Variants in RAB3C observed in about 807,000 individuals in gnomAD.
RAB3C encodes the protein ras-related protein Rab-3C.
RAB3C carries 17 observed loss-of-function variants against 26.4 expected under a neutral mutation model. The observed-to-expected ratio is 0.64, with a 90% CI of 0.44 to 0.97. The LOEUF is 0.97. RAB3C is among the 50% of genes least tolerant of loss of function. The pLI, the probability that RAB3C is intolerant of heterozygous loss-of-function variation, is 0.00. For synonymous variants in RAB3C, 91 were observed against 95.9 expected (o/e 0.95, Z 0.30); for missense variants, 242 against 281.9 (o/e 0.86, Z 1.01).
chr5:58,786,265 C>T (rs1742378157), intron 3 of RAB3C, among the ~76,000 whole-genome samples: 2 of 152,326 alleles, frequency 1.3e-5, no homozygotes, highest in Admixed American at 1.3e-4. Context: ...AACCTCAGCC[C>T]TTCCTGGGGT....
chr5:58,644,282 A>T (rs1007722207), intron 2 of RAB3C: 10 of 152,370 alleles, frequency 6.6e-5, no homozygotes, highest in Non-Finnish European at 1.0e-4. Flanking sequence ...TTTCAATTCT[A>T]GCTCTGCCAC....
intron 4 of RAB3C, among the ~76,000 whole-genome samples, chr5:58,832,712 G>C (rs1242870692): frequency 6.6e-6 from 1 of 152,184 alleles, no homozygotes; most frequent in Non-Finnish European, 1.5e-5. Flanking sequence ...ACCATGTCTT[G>C]AAGTATGAAT....
chr5:58,845,709 A>G (rs1743985120), intron 4 of RAB3C, among the ~76,000 whole-genome samples: 1 of 149,856 alleles, frequency 6.7e-6, no homozygotes, highest in African/African-American at 2.5e-5. Context: ...TAGAGGTATA[A>G]TTCATATACC....
At chr5:58,682,280 T>C (rs1748359889) in intron 2 of RAB3C, among the ~76,000 whole-genome samples, 1 of 152,198 alleles carries the variant, frequency 6.6e-6, no homozygotes, top group Non-Finnish European at 1.5e-5. Flanking sequence ...GGCAGTAAGG[T>C]CGACTCTTAT....
intron 2 of RAB3C, among the ~76,000 whole-genome samples, chr5:58,634,238 A>T (rs1747243717): frequency 1.3e-5 from 2 of 152,118 alleles, no homozygotes; most frequent in African/African-American, 4.8e-5. Flanking sequence ...TTATTTCAGG[A>T]GTTCAGGTTG....
intron 3 of RAB3C, among the ~76,000 whole-genome samples, chr5:58,811,360 T>C (rs541464956): frequency 6.6e-6 from 1 of 152,202 alleles, no homozygotes; most frequent in South Asian, 2.1e-4. Context: ...TGTGTATGTG[T>C]GTGTATGTGT....
intron 2 of RAB3C, among the ~76,000 whole-genome samples, chr5:58,649,991 T>C (rs1259709857): frequency 6.6e-6 from 1 of 152,218 alleles, no homozygotes; most frequent in East Asian, 1.9e-4. Flanking sequence ...TATGGTGACC[T>C]CTAATTCTTT....
At chr5:58,792,769 T>TTG (rs987019600) in intron 3 of RAB3C, among the ~76,000 whole-genome samples, 16 of 151,238 alleles carry the variant, frequency 1.1e-4, no homozygotes, top group Admixed American at 3.3e-4. Flanking sequence ...TTACTGAACT[T>TTG]TGTGTGTGTG....
intron 2 of RAB3C, among the ~76,000 whole-genome samples, chr5:58,642,326 G>A (rs1004148606): frequency 4.6e-5 from 7 of 152,176 alleles, no homozygotes; most frequent in African/African-American, 1.7e-4. Context: ...TAGCACCAAA[G>A]CTGGACATTC....
intron 3 of RAB3C, among the ~76,000 whole-genome samples, chr5:58,787,517 G>T (rs1742418223): frequency 6.6e-6 from 1 of 152,106 alleles, no homozygotes; most frequent in South Asian, 2.1e-4. Flanking sequence ...TGAAAAATAA[G>T]TTTTTAATTA....
At chr5:58,647,799 C>T (rs1747556960) in intron 2 of RAB3C, 1 of 152,152 alleles carries the variant, frequency 6.6e-6, no homozygotes, top group Non-Finnish European at 1.5e-5. Context: ...CACAATCTCA[C>T]ATGAACCTGA....
chr5:58,591,602 ATAT>A (rs569916807), intron 1 of RAB3C, among the ~76,000 whole-genome samples: 1 of 147,330 alleles, frequency 6.8e-6, no homozygotes, highest in African/African-American at 2.5e-5. Flanking sequence ...ATATATATAT[ATAT>A]ATAATTTTAT....
chr5:58,775,318 G>A (rs538615425), intron 3 of RAB3C, among the ~76,000 whole-genome samples: 1 of 152,086 alleles, frequency 6.6e-6, no homozygotes, highest in Non-Finnish European at 1.5e-5. Flanking sequence ...TTCAGTATCT[G>A]AGGCTCCTTT....
At chr5:58,709,186 A>G (rs967346732) in intron 2 of RAB3C, among the ~76,000 whole-genome samples, 2 of 152,226 alleles carry the variant, frequency 1.3e-5, no homozygotes, top group African/African-American at 4.8e-5. Context: ...TGTAGATGTT[A>G]TTCTATATTT....
chr5:58,772,830 A>G (rs1470479444), intron 3 of RAB3C, among the ~76,000 whole-genome samples: 1 of 152,190 alleles, frequency 6.6e-6, no homozygotes, highest in Admixed American at 6.6e-5. Flanking sequence ...TTATAGGTCT[A>G]TTGTATAGAG....
At chr5:58,684,089 A>G (rs528974106) in intron 2 of RAB3C, among the ~76,000 whole-genome samples, 1 of 152,310 alleles carries the variant, frequency 6.6e-6, no homozygotes, top group Non-Finnish European at 1.5e-5. Flanking sequence ...AATATCCAGA[A>G]AAACATGCAT....
intron 2 of RAB3C, among the ~76,000 whole-genome samples, chr5:58,711,034 G>A: frequency 6.6e-6 from 1 of 152,160 alleles, no homozygotes; most frequent in African/African-American, 2.4e-5. Flanking sequence ...ATAAGAATGT[G>A]CAGAAGACCT....
chr5:58,586,226 G>A (rs914158817), intron 1 of RAB3C, among the ~76,000 whole-genome samples: 14 of 151,890 alleles, frequency 9.2e-5, no homozygotes, highest in Admixed American at 2.6e-4. Context: ...AAAAATCCTA[G>A]CAGTCACTAT....
intron 2 of RAB3C, among the ~76,000 whole-genome samples, chr5:58,652,496 T>C (rs865860446): frequency 7.9e-5 from 12 of 151,948 alleles, no homozygotes; most frequent in African/African-American, 2.9e-4. Context: ...GAAATCATTA[T>C]TGCATGAACT....
Sources: gnomAD v4.1 joint callset for allele counts (sites outside exome capture counted in the v4.1 genomes callset) on GRCh38, gnomAD v4.1.1 for gene constraint, MANE v1.5 for transcripts, NCBI Gene and HGNC (gene_info 2026-07-23, HGNC 2026-07-21) for gene names.